The following VPS41 variants were observed in gnomAD, a reference collection of about 807,000 sequenced individuals.
VPS41 encodes the protein vacuolar protein sorting-associated protein 41 homolog.
Under a neutral mutation model 130.9 loss-of-function variants are expected in VPS41, and 85 were observed. The observed-to-expected ratio is 0.65, with a 90% CI of 0.55 to 0.78. VPS41 has a LOEUF of 0.78. VPS41 is among the 30% of genes least tolerant of loss of function. The probability of loss-of-function intolerance (pLI) is 0.00; values close to 1 mark genes in which losing one functional copy is unlikely to be tolerated. For missense variants in VPS41, 874 were observed against 1,018.7 expected (o/e 0.86, Z 1.93); for synonymous variants, 335 against 332.9 (o/e 1.01, Z -0.07).
At chr7:38,860,836 T>G (rs1584432629) in intron 4 of VPS41, among the ~76,000 whole-genome samples, 2 of 152,080 alleles carry the variant, frequency 1.3e-5, no homozygotes, top group East Asian at 3.9e-4. Context: ...TTCAGTAGAT[T>G]CTGCCAATGA....
intron 11 of VPS41, chr7:38,775,320 C>T (rs923024261): frequency 7.2e-5 from 11 of 152,186 alleles, no homozygotes; most frequent in Admixed American, 1.3e-4. Context: ...CCAAAACCCT[C>T]GCTTCTTCTT....
intron 4 of VPS41, among the ~76,000 whole-genome samples, chr7:38,859,628 T>C (rs1562613293): frequency 6.6e-6 from 1 of 152,164 alleles, no homozygotes. Flanking sequence ...GGCTATACCA[T>C]ACAGCCTAAG....
chr7:38,771,274 A>T lies in VPS41; in HGVS notation c.1129-20T>A. ...TGCTTCCTTTATTCCAAACATAAGG[A>T]TGATTTAAAAAAAAAAAAAAGCAGA... On this transcript the variant is annotated intron_variant, in intron 13 of 28. Coordinates refer to ENST00000310301, the MANE Select transcript of VPS41 (RefSeq NM_014396.4). The T allele has an allele frequency of 3.4e-6, 5 of 1,467,764 alleles. No homozygotes were observed. Among genetic ancestry groups the T allele is most frequent in the Non-Finnish European group, 4.6e-6 (5 of 1,098,604 alleles). The allele number at this position is 1,467,764 out of a possible 1,614,324, so 90.9% of individuals were successfully genotyped here.
At chr7:38,736,465 T>C (rs568291989) in intron 25 of VPS41, among the ~76,000 whole-genome samples, 65 of 152,274 alleles carry the variant, frequency 4.3e-4, no homozygotes, top group African/African-American at 1.4e-3. Flanking sequence ...GGCTTGTTAA[T>C]GGCAAAGCCA....
intron 7 of VPS41, among the ~76,000 whole-genome samples, chr7:38,813,517 T>C (rs1423826653): frequency 2.6e-5 from 4 of 152,188 alleles, no homozygotes; most frequent in African/African-American, 9.7e-5. Flanking sequence ...GTGAACCTCA[T>C]GGTATGCAAA....
chr7:38,742,233 A>G, intron 24 of VPS41, 112 bp from the exon 25 acceptor site: 1 of 1,021,710 alleles, frequency 9.8e-7, no homozygotes, highest in Non-Finnish European at 1.4e-6. Context: ...TCAAAGAAAA[A>G]ATTATTTCCT....
At chr7:38,810,862 A>G (rs775485433) in intron 7 of VPS41, among the ~76,000 whole-genome samples, 7 of 152,156 alleles carry the variant, frequency 4.6e-5, no homozygotes, top group Non-Finnish European at 5.9e-5. Context: ...GATTATTGCA[A>G]GGTTATAACC....
At chr7:38,770,911 G>A (rs745585300) in intron 14 of VPS41, among the ~76,000 whole-genome samples, 22 of 152,034 alleles carry the variant, frequency 1.4e-4, no homozygotes, top group African/African-American at 4.8e-4. Flanking sequence ...TTTTACCTAC[G>A]ATTTAGGGAA....
chr7:38,736,763 T>A (rs1408801919), intron 25 of VPS41, among the ~76,000 whole-genome samples: 1 of 152,212 alleles, frequency 6.6e-6, no homozygotes, highest in African/African-American at 2.4e-5. Flanking sequence ...AGGATGAGAA[T>A]CATAATTGTA....
intron 9 of VPS41, among the ~76,000 whole-genome samples, chr7:38,791,180 TTC>T (rs1784528525): frequency 6.6e-6 from 1 of 152,208 alleles, no homozygotes; most frequent in African/African-American, 2.4e-5. Context: ...GCCTGTCCAC[TTC>T]TCCAATTTTC....
intron 3 of VPS41, among the ~76,000 whole-genome samples, chr7:38,864,356 T>A (rs1303150238): frequency 2.0e-5 from 3 of 152,192 alleles, no homozygotes. Context: ...ATTCATTTAA[T>A]CTTTAAAATA....
intron 25 of VPS41, among the ~76,000 whole-genome samples, chr7:38,736,152 T>G (rs1268510767): frequency 6.6e-6 from 1 of 152,256 alleles, no homozygotes; most frequent in Non-Finnish European, 1.5e-5. Context: ...AAAACGCCTC[T>G]GTTAAGAACT....
intron 4 of VPS41, among the ~76,000 whole-genome samples, chr7:38,856,854 T>G (rs533960127): frequency 2.0e-5 from 3 of 152,226 alleles, no homozygotes; most frequent in Non-Finnish European, 4.4e-5. Context: ...ATCAAAAGCT[T>G]AGAAACAGGC....
At chr7:38,881,616 C>A (rs1313732785) in intron 2 of VPS41, among the ~76,000 whole-genome samples, 1 of 152,130 alleles carries the variant, frequency 6.6e-6, no homozygotes, top group African/African-American at 2.4e-5. Flanking sequence ...AAAAACTTCT[C>A]ATTTGTTTGC....
At chr7:38,794,045 C>T (rs1292736671) in intron 9 of VPS41, among the ~76,000 whole-genome samples, 1 of 152,054 alleles carries the variant, frequency 6.6e-6, no homozygotes, top group Non-Finnish European at 1.5e-5. Context: ...TTCAGCATAC[C>T]AGAGAAAGAA....
At chr7:38,876,975 C>T (rs1786505785) in intron 2 of VPS41, among the ~76,000 whole-genome samples, 1 of 152,138 alleles carries the variant, frequency 6.6e-6, no homozygotes, top group African/African-American at 2.4e-5. Flanking sequence ...TCCTTCTAGC[C>T]ATATGGAATA....
chr7:38,810,646 C>T (rs1237182589), intron 7 of VPS41, among the ~76,000 whole-genome samples: 1 of 152,142 alleles, frequency 6.6e-6, no homozygotes, highest in East Asian at 1.9e-4. Context: ...CTAGAGATCA[C>T]TGTTCTTAAG....
At chr7:38,776,592 C>G (rs912099765) in intron 11 of VPS41, 87 bp downstream of exon 11, 3 of 702,192 alleles carry the variant, frequency 4.3e-6, no homozygotes, top group Non-Finnish European at 7.8e-6. Context: ...CAGATTATAG[C>G]GTATGCTACT....
chr7:38,796,340 C>G (rs994022209), intron 8 of VPS41: 3 of 388,638 alleles, frequency 7.7e-6, no homozygotes, highest in African/African-American at 6.3e-5. Flanking sequence ...GTCTATACTT[C>G]TGTCTATGAT....
Sources: allele counts gnomAD v4.1 joint callset (sites outside exome capture counted in the v4.1 genomes callset), GRCh38; gene constraint gnomAD v4.1.1; transcripts MANE v1.5; gene names NCBI Gene and HGNC (gene_info 2026-07-23, HGNC 2026-07-21).